The following SOX5 variants were observed in gnomAD, a reference collection of about 807,000 sequenced individuals.
SOX5 encodes SRY-box transcription factor 5, also known as transcription factor SOX-5.
In SOX5, 9 loss-of-function variants were observed where a neutral mutation model predicts 92.0. The observed-to-expected ratio is 0.10, with a 90% CI of 0.06 to 0.17. The LOEUF is 0.17. Among genes scored for constraint, SOX5 ranks in the 10% least tolerant of loss-of-function variants. The pLI is 1.00. For missense variants in SOX5, 642 were observed against 944.5 expected (o/e 0.68, Z 4.20); for synonymous variants, 344 against 336.3 (o/e 1.02, Z -0.25).
At chr12:24,175,340 A>G (rs1160206079) in intron 4 of SOX5, among the ~76,000 whole-genome samples, 1 of 152,252 alleles carries the variant, frequency 6.6e-6, no homozygotes, top group African/African-American at 2.4e-5. Context: ...AACAAAAATA[A>G]AACTGGGACA....
chr12:23,817,323 A>C (rs1268209399), intron 3 of SOX5, among the ~76,000 whole-genome samples: 3 of 152,218 alleles, frequency 2.0e-5, no homozygotes, highest in Non-Finnish European at 2.9e-5. Context: ...AGTTCAAGAT[A>C]ATATCCTCTA....
chr12:23,804,025 A>G (rs2095712058), intron 3 of SOX5, among the ~76,000 whole-genome samples: 2 of 152,208 alleles, frequency 1.3e-5, no homozygotes, highest in Admixed American at 1.3e-4. Flanking sequence ...TTTACATTTT[A>G]TCCATTTAAA....
rs531906319 is a variant in SOX5, at chr12:23,567,565, A to G, written c.1343-4162T>C. 2.0e-5 allele frequency among the ~76,000 whole-genome samples: 3 copies of G among 151,010 alleles called. No individual in the cohort carries two copies. In the Admixed American group the frequency reaches 2.0e-4, roughly 10 times the overall value. ...AACCTTGAACTTCTGGGCTCAAGCA[A>G]TCATTCTGCCTCAGCCTCCTGAGTA... On this transcript the variant is annotated intron_variant, in intron 10 of 14. Coordinates refer to ENST00000451604, the MANE Select transcript of SOX5 (RefSeq NM_006940.6).
At chr12:24,019,020 C>G (rs1170930568) in intron 4 of SOX5, among the ~76,000 whole-genome samples, 1 of 152,138 alleles carries the variant, frequency 6.6e-6, no homozygotes, top group Non-Finnish European at 1.5e-5. Context: ...GTCACCCAAG[C>G]TGAAGTGCAG....
At position 23,687,365 on chromosome 12, in the gene SOX5, G is replaced by A. The variant is rs142016514; in HGVS notation, c.811-21801C>T. Among the ~76,000 whole-genome samples the A allele has an allele frequency of 6.7e-3, 1,023 of 151,754 alleles. 6 individuals are homozygous for A. The highest frequency in any genetic ancestry group is 0.022 in the South Asian group (104 of 4,802). ...CATATATATAAATATATGTGTATAC[G>A]GTGTCATATAGTATGATACACACGC... On this transcript the variant is annotated intron_variant, in intron 6 of 14. Coordinates refer to ENST00000451604, the MANE Select transcript of SOX5 (RefSeq NM_006940.6).
intron 4 of SOX5, among the ~76,000 whole-genome samples, chr12:24,064,958 A>G (rs1044431577): frequency 2.0e-5 from 3 of 152,218 alleles, no homozygotes; most frequent in African/African-American, 7.2e-5. Context: ...CCCCTTAGAT[A>G]CTAATTTTTA....
At chr12:24,491,471 A>G (rs1947069117) in intron 1 of SOX5, among the ~76,000 whole-genome samples, 2 of 152,160 alleles carry the variant, frequency 1.3e-5, no homozygotes, top group African/African-American at 2.4e-5. Flanking sequence ...TGGTCAAAAA[A>G]AAAAAATTCT....
intron 1 of SOX5, among the ~76,000 whole-genome samples, chr12:24,499,811 T>G (rs1948020386): frequency 6.6e-6 from 1 of 151,344 alleles, no homozygotes. Context: ...AGAGAAGAAC[T>G]ATGAACTTAG....
At chr12:24,491,071 C>CTTCT (rs1947020277) in intron 1 of SOX5, among the ~76,000 whole-genome samples, 2 of 142,142 alleles carry the variant, frequency 1.4e-5, no homozygotes, top group African/African-American at 2.7e-5. Flanking sequence ...TCTTTCTTTC[C>CTTCT]TTCTTTCTTT....
At chr12:23,602,222 T>G (rs1490974851) in intron 9 of SOX5, among the ~76,000 whole-genome samples, 1 of 152,174 alleles carries the variant, frequency 6.6e-6, no homozygotes, top group Non-Finnish European at 1.5e-5. Context: ...CCACAGGATG[T>G]GGCAGATTTC....
intron 3 of SOX5, among the ~76,000 whole-genome samples, chr12:23,799,349 G>A (rs957488487): frequency 1.3e-5 from 2 of 152,062 alleles, no homozygotes; most frequent in Non-Finnish European, 2.9e-5. Context: ...ATGATGTGAT[G>A]TGAATTATCT....
At chr12:23,767,968 G>A (rs868122664) in intron 3 of SOX5, among the ~76,000 whole-genome samples, 2 of 152,146 alleles carry the variant, frequency 1.3e-5, no homozygotes, top group African/African-American at 2.4e-5. Flanking sequence ...CCCTCATTAC[G>A]AATGTATCTG....
chr12:23,916,553 A>G (rs1159569392), intron 1 of SOX5, among the ~76,000 whole-genome samples: 2 of 152,236 alleles, frequency 1.3e-5, no homozygotes, highest in Non-Finnish European at 2.9e-5. Context: ...TGTACTGTCA[A>G]GAAATGTAAA....
intron 1 of SOX5, among the ~76,000 whole-genome samples, chr12:23,922,904 G>A (rs1196952102): frequency 1.3e-5 from 2 of 151,894 alleles, no homozygotes; most frequent in Non-Finnish European, 2.9e-5. Context: ...GAATCCCAGA[G>A]GGAGTACACG....
intron 3 of SOX5, among the ~76,000 whole-genome samples, chr12:23,792,653 A>C (rs1236961410): frequency 2.7e-5 from 4 of 148,110 alleles, no homozygotes; most frequent in South Asian, 2.2e-4. Context: ...AAAAAAAAAA[A>C]AAAAAAAAAC....
At chr12:24,139,931 A>G (rs1950426844) in intron 4 of SOX5, among the ~76,000 whole-genome samples, 1 of 152,196 alleles carries the variant, frequency 6.6e-6, no homozygotes, top group Non-Finnish European at 1.5e-5. Context: ...CACCGTCATC[A>G]GAATCCACAC....
intron 1 of SOX5, among the ~76,000 whole-genome samples, chr12:24,521,987 A>G (rs1369136869): frequency 6.6e-6 from 1 of 152,018 alleles, no homozygotes; most frequent in Non-Finnish European, 1.5e-5. Context: ...AATAGAAAAA[A>G]AAATCAGCAA....
At chr12:23,986,282 GT>G (rs1448785732) in intron 4 of SOX5, among the ~76,000 whole-genome samples, 1 of 151,936 alleles carries the variant, frequency 6.6e-6, no homozygotes, top group Non-Finnish European at 1.5e-5. Flanking sequence ...ATGATGCTAG[GT>G]TTTCATGGAA....
At chr12:24,256,557 CT>C (rs1391053873) in intron 3 of SOX5, among the ~76,000 whole-genome samples, 3 of 141,498 alleles carry the variant, frequency 2.1e-5, no homozygotes, top group African/African-American at 7.9e-5. Context: ...AACTGTAGCT[CT>C]TTTCTATTAA....
Sources: allele counts gnomAD v4.1 joint callset (sites outside exome capture counted in the v4.1 genomes callset), GRCh38; gene constraint gnomAD v4.1.1; transcripts MANE v1.5; gene names NCBI Gene and HGNC (gene_info 2026-07-23, HGNC 2026-07-21).